ZNF395: variants seen among roughly 807,000 people sequenced by gnomAD.
ZNF395 encodes the protein HD gene regulatory region-binding protein 2.
A neutral mutation model predicts 57.7 loss-of-function variants in ZNF395; 20 were observed. That is an observed-to-expected ratio of 0.35 (90% confidence interval 0.24 to 0.50). ZNF395 has a LOEUF of 0.50. ZNF395 is among the 20% of genes least tolerant of loss of function. ZNF395 has a pLI of 0.97. For synonymous variants in ZNF395, 295 were observed against 275.9 expected (o/e 1.07, Z -0.69); for missense variants, 606 against 671.2 (o/e 0.90, Z 1.07).
chr8:28,368,992 T>A (rs1801944986), intron 1 of ZNF395, among the ~76,000 whole-genome samples: 1 of 152,092 alleles, frequency 6.6e-6, no homozygotes, highest in Non-Finnish European at 1.5e-5. Context: ...CCTGCCACCA[T>A]GCCGGGCTAA....
chr8:28,370,532 G>A (rs112182052), intron 1 of ZNF395, among the ~76,000 whole-genome samples: 48 of 152,328 alleles, frequency 3.2e-4, no homozygotes, highest in African/African-American at 9.9e-4. Flanking sequence ...GGATGTTGGG[G>A]TGCCACTCTC....
intron 1 of ZNF395, among the ~76,000 whole-genome samples, chr8:28,372,119 C>G (rs1420375031): frequency 6.6e-6 from 1 of 152,092 alleles, no homozygotes; most frequent in African/African-American, 2.4e-5. Flanking sequence ...CCACTCTGTG[C>G]CTCAGTTTCC....
Position 28,379,194 on chromosome 8 carries a change from A to G in ZNF395, c.-59+7199T>C, listed in dbSNP as rs189325712. On this transcript the variant is annotated intron_variant, in intron 1 of 9. Transcript: ENST00000344423. Reference sequence around the variant, plus strand: ...CATGAATACAGTTTAGTTATTCCCTATCCTACAGCATCCTACTCTCCTTTC... The same window carrying G: ...CATGAATACAGTTTAGTTATTCCCTGTCCTACAGCATCCTACTCTCCTTTC... Among the ~76,000 whole-genome samples the G allele has an allele frequency of 6.6e-5, 10 of 152,342 alleles. No homozygotes were observed. The East Asian group carries it at 1.5e-3, about 23-fold the overall frequency.
Position 28,351,591 on chromosome 8 carries a change from T to TG in ZNF395, c.1136dup (p.Glu380ArgfsTer105). On this transcript the variant is annotated frameshift_variant, in exon 7 of 10. Coordinates refer to ENST00000344423, the MANE Select transcript of ZNF395 (RefSeq NM_018660.3). LOFTEE classifies it high-confidence loss of function. Reference sequence around the variant, plus strand: ...GGGAGGACTCCGGGCCAGGATGTTCTGGGCCGGAGGACTGGGCTTTGTGCA... The same window carrying TG: ...GGGAGGACTCCGGGCCAGGATGTTCTGGGGCCGGAGGACTGGGCTTTGTGCA... The TG allele has an allele frequency of 6.2e-7, 1 of 1,613,752 alleles. No individual in the cohort carries two copies. Among genetic ancestry groups the TG allele is most frequent in the Non-Finnish European group, 8.5e-7 (1 of 1,179,998 alleles).
At chr8:28,380,597 C>A (rs186279397) in intron 1 of ZNF395, among the ~76,000 whole-genome samples, 1 of 152,280 alleles carries the variant, frequency 6.6e-6, no homozygotes, top group Admixed American at 6.5e-5. Context: ...ATTAATAACA[C>A]CATCCAGCCC....
At position 28,370,387 on chromosome 8, in the gene ZNF395, T is replaced by C. The variant is rs551743617; in HGVS notation, c.-58-9205A>G. 7.2e-5 allele frequency among the ~76,000 whole-genome samples: 11 copies of C among 152,298 alleles called. No homozygotes were observed. The South Asian group carries it at 2.3e-3, about 32-fold the overall frequency. On this transcript the variant is annotated intron_variant, in intron 1 of 9. Coordinates refer to ENST00000344423, the MANE Select transcript of ZNF395 (RefSeq NM_018660.3). ...GGCTCAAACCACTAAGGAAGTGCCTTAAACGTATTTTTCTCTGGAGGAAGC... is the reference window on the plus strand; with the variant it reads ...GGCTCAAACCACTAAGGAAGTGCCTCAAACGTATTTTTCTCTGGAGGAAGC...
At position 28,360,517 on chromosome 8, in the gene ZNF395, T is replaced by C. The variant is rs373566730; in HGVS notation, c.240+368A>G. Among the ~76,000 whole-genome samples the C allele has an allele frequency of 2.5e-4, 38 of 152,374 alleles. No individual in the cohort carries two copies. The East Asian group carries it at 3.9e-3, about 15-fold the overall frequency. ...AAAGTGTCTAAAGGGAATTCAAAGA[T>C]GCAATGTTCTCTGATTCTCATAAGC... On this transcript the variant is annotated intron_variant, in intron 2 of 9. Transcript: ENST00000344423.
intron 4 of ZNF395, among the ~76,000 whole-genome samples, chr8:28,355,444 AT>A (rs11292657): frequency 0.12 from 17,191 of 143,374 alleles, 2,959 homozygotes; most frequent in African/African-American, 0.38. Context: ...TTAATAGACA[AT>A]TTTTTTTTTT....
chr8:28,349,593 C>T lies in ZNF395; in HGVS notation c.1327-365G>A, dbSNP rs376897081. On this transcript the variant is annotated intron_variant, in intron 8 of 9. Transcript: ENST00000344423. ...CGCCCTGCAGGAGATAACTCAAGAC[C>T]AGCGCCTGCTAGGTAGAGTTCAAAA... Among the ~76,000 whole-genome samples, 16 of 152,320 alleles carry T rather than the reference C, an allele frequency of 1.1e-4. No homozygotes were observed. In the East Asian group the frequency reaches 2.5e-3, roughly 24 times the overall value.
At position 28,356,883 on chromosome 8, in the gene ZNF395, T is replaced by TA. The variant is rs1202609937; in HGVS notation, c.474-105dup. 45 of 896,446 alleles carry TA rather than the reference T, an allele frequency of 5.0e-5. No homozygotes were observed. In the East Asian group the frequency reaches 1.2e-3, roughly 24 times the overall value. 55.5% of individuals were successfully genotyped at this position (896,446 alleles called of 1,614,324 possible). The stretch of plus-strand genomic sequence containing the variant: ...TCTGGCTGGTTTCACACAATCATCT[T>TA]ACACTTCTGGACTGTCCCCTCCAAG... On this transcript the variant is annotated intron_variant, in intron 3 of 9. Transcript: ENST00000344423. This position sits in a 1 kb window ranked among gnomAD's most constrained non-coding sequence, Gnocchi z 4.0.
intron 1 of ZNF395, among the ~76,000 whole-genome samples, chr8:28,371,214 T>C (rs1585861706): frequency 6.6e-6 from 1 of 152,362 alleles, no homozygotes; most frequent in Non-Finnish European, 1.5e-5. Flanking sequence ...AGGGTCTCCC[T>C]CTGCCACCCA....
In ZNF395 at chr8:28,353,196, C is replaced by T. The variant is rs768986191; in HGVS notation, c.796G>A (p.Glu266Lys). Residue 266 changes from glutamate (E) to lysine (K), a missense_variant, in exon 5 of 10, where the codon GAA becomes AAA. By Grantham distance (56) the Glu-to-Lys change is moderately conservative. Around this residue, in one of 3 missense-constraint regions of ZNF395, gnomAD observed 309 missense variants for 374.7 expected, o/e 0.82. Transcript: ENST00000344423. ...ACCTTTCTTTTTCGTGGAGCTGGTTCGTCCAGCAGGAAAGGGTCAGGATCG... is the reference window on the plus strand; with the variant it reads ...ACCTTTCTTTTTCGTGGAGCTGGTTTGTCCAGCAGGAAAGGGTCAGGATCG... ...ETDPDPFLLD[E>K]PAPRKRKNSV... The T allele has an allele frequency of 1.2e-5, 20 of 1,613,428 alleles. No individual in the cohort carries two copies. Among genetic ancestry groups the T allele is most frequent in the Admixed American group, 1.7e-5 (1 of 59,950 alleles).
chr8:28,373,324 AT>A, intron 1 of ZNF395, among the ~76,000 whole-genome samples: 1 of 152,312 alleles, frequency 6.6e-6, no homozygotes, highest in East Asian at 1.9e-4. Flanking sequence ...ATCTGATAGG[AT>A]TAATTCTCAT....
chr8:28,349,096 A>G, intron 9 of ZNF395, 29 bp downstream of exon 9: 1 of 1,553,612 alleles, frequency 6.4e-7, no homozygotes, highest in Non-Finnish European at 8.7e-7. Context: ...CAGAAACCAG[A>G]AGGCAGGGGA....
intron 4 of ZNF395, among the ~76,000 whole-genome samples, chr8:28,354,536 G>A (rs1410199275): frequency 6.6e-6 from 1 of 151,856 alleles, no homozygotes; most frequent in African/African-American, 2.4e-5. Flanking sequence ...TGCTAATCAG[G>A]GATCTACCCG....
rs1008167143 is a variant in ZNF395, at chr8:28,377,887, A to G, written c.-59+8506T>C. ...ATTCTCCTGCCTCAGCCTCCCGAGT[A>G]GCTGGTGTTACAGGCAAGCAACACT... On this transcript the variant is annotated intron_variant, in intron 1 of 9. Transcript: ENST00000344423. Among the ~76,000 whole-genome samples the G allele has an allele frequency of 4.7e-5, 7 of 150,190 alleles. No homozygotes were observed. In the East Asian group the frequency reaches 1.2e-3, roughly 25 times the overall value.
Position 28,359,369 on chromosome 8 carries a change from T to A in ZNF395, c.473+223A>T, listed in dbSNP as rs1801819787. Among the ~76,000 whole-genome samples, 3 of 152,258 alleles carry A rather than the reference T, an allele frequency of 2.0e-5. No individual in the cohort carries two copies. The highest frequency in any genetic ancestry group is 3.4e-3 in the Middle Eastern group (1 of 294). ...GTGAGCCGAGATCATGCCACTGAACTCCAGCCTAGGTGAGAGAGTGAGACT... is the reference window on the plus strand; with the variant it reads ...GTGAGCCGAGATCATGCCACTGAACACCAGCCTAGGTGAGAGAGTGAGACT... On this transcript the variant is annotated intron_variant, in intron 3 of 9. Coordinates refer to ENST00000344423, the MANE Select transcript of ZNF395 (RefSeq NM_018660.3). This position sits in a 1 kb window ranked among gnomAD's most constrained non-coding sequence, Gnocchi z 4.7.
chr8:28,376,245 G>A (rs1802038884), intron 1 of ZNF395, among the ~76,000 whole-genome samples: 1 of 152,102 alleles, frequency 6.6e-6, no homozygotes, highest in Non-Finnish European at 1.5e-5. Flanking sequence ...AAAGCAGCTG[G>A]GACCACAGGT....
At chr8:28,383,374 A>G (rs1802132962) in intron 1 of ZNF395, among the ~76,000 whole-genome samples, 1 of 152,174 alleles carries the variant, frequency 6.6e-6, no homozygotes, top group South Asian at 2.1e-4. Flanking sequence ...TGGTTGGAAC[A>G]GCCCTGGGAA....
Sources: allele counts gnomAD v4.1 joint callset (sites outside exome capture counted in the v4.1 genomes callset), GRCh38; gene constraint gnomAD v4.1.1; regional missense constraint gnomAD v4.1.1; non-coding constraint Gnocchi (gnomAD v3.1); transcripts MANE v1.5; gene names NCBI Gene and HGNC (gene_info 2026-07-23, HGNC 2026-07-21).